Variants in ADARB1 observed in about 807,000 individuals in gnomAD.
The protein encoded by ADARB1 is adenosine deaminase RNA specific B1.
In ADARB1, 10 loss-of-function variants were observed where a neutral mutation model predicts 52.4. That is an observed-to-expected ratio of 0.19 (90% CI 0.12 to 0.32). ADARB1 has a LOEUF of 0.32. Ranked by LOEUF, ADARB1 falls within the 10% of genes least tolerant of loss-of-function variation. ADARB1 has a pLI of 1.00. For synonymous variants in ADARB1, 349 were observed against 371.1 expected (o/e 0.94, Z 0.68); for missense variants, 643 against 922.3 (o/e 0.70, Z 3.92).
chr21:45,127,797 G>A (rs2088683440), intron 1 of ADARB1, among the ~76,000 whole-genome samples: 1 of 152,072 alleles, frequency 6.6e-6, no homozygotes, highest in Admixed American at 6.5e-5. Context: ...ATATCAGTTT[G>A]CTTTTCAGGA....
intron 5 of ADARB1, 112 bp from the exon 6 acceptor site, chr21:45,182,473 G>C: frequency 8.5e-7 from 1 of 1,183,328 alleles, no homozygotes. Context: ...TGAAAAGTCT[G>C]TTGGCCCCTG....
chr21:45,204,763 T>G lies in ADARB1; in HGVS notation c.1747+27T>G. ...CAAGTATCTCTAGAGTGTGCTGATT[T>G]AATCTCTGTCTTGATTTTGCAATGT... is the stretch of plus-strand genomic sequence containing the variant. On this transcript the variant is annotated intron_variant, in intron 9 of 10. Coordinates refer to ENST00000348831, the MANE Select transcript of ADARB1 (RefSeq NM_001112.4). This position sits in a 1 kb window ranked among gnomAD's most constrained non-coding sequence, Gnocchi z 4.4. 6.2e-7 allele frequency: 1 copy of G among 1,603,510 alleles called. No homozygotes were observed. The highest frequency in any genetic ancestry group is 8.5e-7 in the Non-Finnish European group (1 of 1,172,548).
At chr21:45,085,176 C>T (rs1196352808) in intron 1 of ADARB1, among the ~76,000 whole-genome samples, 1 of 152,174 alleles carries the variant, frequency 6.6e-6, no homozygotes, top group Non-Finnish European at 1.5e-5. Context: ...AAATTTCTAT[C>T]ATTTGAGGTG....
At chr21:45,210,058 A>G (rs894810275) in intron 9 of ADARB1, among the ~76,000 whole-genome samples, 2 of 152,092 alleles carry the variant, frequency 1.3e-5, no homozygotes, top group African/African-American at 4.8e-5. Context: ...TCCCTGCACC[A>G]CGGCCGCCAC....
At chr21:45,206,338 G>A (rs908739162) in intron 9 of ADARB1, among the ~76,000 whole-genome samples, 14 of 152,274 alleles carry the variant, frequency 9.2e-5, no homozygotes, top group Admixed American at 3.9e-4. Flanking sequence ...TATCTCATCC[G>A]TAACTAAAAT....
chr21:45,224,027 G>A lies in ADARB1; in HGVS notation c.*1830G>A. ...TTTTGTTCAGGCAGATCGCGCTGGG[G>A]TTCTGCACCTGCAGAAGGAGAGGGG... On this transcript the variant is annotated 3_prime_UTR_variant, in exon 11 of 11. Coordinates refer to ENST00000348831, the MANE Select transcript of ADARB1 (RefSeq NM_001112.4). The A allele has an allele frequency of 2.0e-6, 2 of 985,494 alleles. No individual in the cohort carries two copies. The highest frequency in any genetic ancestry group is 2.4e-6 in the Non-Finnish European group (2 of 830,002). The allele number at this position is 985,494 out of a possible 1,614,324, so 61.0% of individuals were successfully genotyped here. A position where few individuals can be genotyped will look rare whatever the true frequency, so the allele number is the denominator to read the frequency against.
chr21:45,089,747 C>T (rs1438344977), intron 1 of ADARB1, among the ~76,000 whole-genome samples: 1 of 152,184 alleles, frequency 6.6e-6, no homozygotes, highest in Admixed American at 6.5e-5. Flanking sequence ...TTTATCACTA[C>T]TAAATGTTTT....
chr21:45,085,039 T>C (rs931648097), intron 1 of ADARB1, among the ~76,000 whole-genome samples: 4 of 152,210 alleles, frequency 2.6e-5, no homozygotes, highest in Admixed American at 6.5e-5. Flanking sequence ...CCTGGGATCA[T>C]GTGCAGTGAG....
chr21:45,162,743 C>G (rs902778192), intron 2 of ADARB1, among the ~76,000 whole-genome samples: 2 of 152,198 alleles, frequency 1.3e-5, no homozygotes, highest in Admixed American at 1.3e-4. Context: ...ACTGAATCAC[C>G]AGGGCTTGCT....
chr21:45,173,696 A>G (rs568056278), intron 3 of ADARB1, among the ~76,000 whole-genome samples: 1 of 150,738 alleles, frequency 6.6e-6, no homozygotes, highest in South Asian at 2.1e-4. Flanking sequence ...TGCTCAGTTT[A>G]TTAATCTCTG....
rs181058852 is a variant in ADARB1, at chr21:45,112,714, A to C, written c.-219-15688A>C. Among the ~76,000 whole-genome samples, 636 of 151,930 alleles carry C rather than the reference A, an allele frequency of 4.2e-3. 4 individuals are homozygous for C. Among genetic ancestry groups the C allele is most frequent in the Middle Eastern group, 0.014 (4 of 294 alleles). ...TAGGCTTGTGTTATAAAATAGGTGA[A>C]CATGTGATTTACTGATTTACTGCTT... is the stretch of plus-strand genomic sequence containing the variant. On this transcript the variant is annotated intron_variant, in intron 1 of 10. Transcript: ENST00000348831.
intron 9 of ADARB1, among the ~76,000 whole-genome samples, chr21:45,214,691 A>T (rs544492517): frequency 1.2e-4 from 19 of 152,176 alleles, no homozygotes; most frequent in Non-Finnish European, 1.8e-4. Context: ...TGGCATGTAT[A>T]TATACATGTG....
chr21:45,082,823 A>G (rs2086204379), intron 1 of ADARB1, among the ~76,000 whole-genome samples: 1 of 152,066 alleles, frequency 6.6e-6, no homozygotes, highest in Admixed American at 6.6e-5. Context: ...CTCTTCTTCC[A>G]CTTCTGGTCT....
rs1016049548 is a variant in ADARB1, at chr21:45,220,195, A to G, written c.1748-641A>G. ...AGACATGTTTCAGCAAGTTAGTACA[A>G]GTTTATTTTGGTGCCAAAAAATTTT... On this transcript the variant is annotated intron_variant, in intron 9 of 10. Coordinates refer to ENST00000348831, the MANE Select transcript of ADARB1 (RefSeq NM_001112.4). The surrounding 1 kb of genome is among the most constrained non-coding windows in gnomAD (Gnocchi z 6.3). 1.3e-5 allele frequency among the ~76,000 whole-genome samples: 2 copies of G among 152,166 alleles called. No individual in the cohort carries two copies. Among genetic ancestry groups the G allele is most frequent in the African/African-American group, 4.8e-5 (2 of 41,438 alleles).
In ADARB1 at chr21:45,113,918, G is replaced by A. The variant is rs187708198; in HGVS notation, c.-219-14484G>A. ...AGCAGTCTGCTGTTATGAATAGCAC[G>A]TATAAGAAAATTTATAATTCAGTTA... On this transcript the variant is annotated intron_variant, in intron 1 of 10. Transcript: ENST00000348831. Among the ~76,000 whole-genome samples, 63 of 152,284 alleles carry A rather than the reference G, an allele frequency of 4.1e-4. 1 individual carries two copies. In the East Asian group the frequency reaches 9.2e-3, roughly 22 times the overall value.
At chr21:45,199,108 C>T (rs1490205070) in intron 8 of ADARB1, among the ~76,000 whole-genome samples, 1 of 152,158 alleles carries the variant, frequency 6.6e-6, no homozygotes, top group Non-Finnish European at 1.5e-5. Context: ...AAAATGTAAA[C>T]TAGATGGAGG....
Position 45,200,319 on chromosome 21 carries a change from G to A in ADARB1, c.1566-4236G>A, listed in dbSNP as rs570667243. Among the ~76,000 whole-genome samples, 259 of 152,330 alleles carry A rather than the reference G, an allele frequency of 1.7e-3. 1 individual carries two copies. Among genetic ancestry groups the A allele is most frequent in the African/African-American group, 6.0e-3 (250 of 41,578 alleles). Reference sequence around the variant, plus strand: ...GCGGTGAATGCAGCCCCAGAGAGTTGTCCACAAGACCATGGGGTGAGAGGC... The same window carrying A: ...GCGGTGAATGCAGCCCCAGAGAGTTATCCACAAGACCATGGGGTGAGAGGC... On this transcript the variant is annotated intron_variant, in intron 8 of 10. Coordinates refer to ENST00000348831, the MANE Select transcript of ADARB1 (RefSeq NM_001112.4). This position sits in a 1 kb window ranked among gnomAD's most constrained non-coding sequence, Gnocchi z 5.0.
intron 9 of ADARB1, among the ~76,000 whole-genome samples, chr21:45,212,474 G>A (rs1378777405): frequency 6.6e-6 from 1 of 152,140 alleles, no homozygotes; most frequent in Non-Finnish European, 1.5e-5. Context: ...AGAAACCTGA[G>A]CGTGTGGTAA....
intron 3 of ADARB1, among the ~76,000 whole-genome samples, chr21:45,173,153 A>G (rs2091556872): frequency 1.3e-5 from 2 of 152,216 alleles, no homozygotes; most frequent in Non-Finnish European, 2.9e-5. Context: ...TGATCCTGTG[A>G]TCACTTGACA....
Sources: gnomAD v4.1 joint callset for allele counts (sites outside exome capture counted in the v4.1 genomes callset) on GRCh38, gnomAD v4.1.1 for gene constraint, Gnocchi (gnomAD v3.1) non-coding constraint, MANE v1.5 for transcripts, NCBI Gene and HGNC (gene_info 2026-07-23, HGNC 2026-07-21) for gene names.